LIN7A: variants seen among roughly 807,000 people sequenced by gnomAD.
The protein encoded by LIN7A is lin-7 cell polarity scaffold A.
Under a neutral mutation model 29.8 loss-of-function variants are expected in LIN7A, and 25 were observed. That is an observed-to-expected ratio of 0.84 (90% CI 0.61 to 1.17). LIN7A has a LOEUF of 1.17. LIN7A is among the 50% of genes most tolerant of loss of function. The probability of loss-of-function intolerance (pLI) is 0.00; values close to 1 mark genes in which losing one functional copy is unlikely to be tolerated. For missense variants in LIN7A, 239 were observed against 287.0 expected (o/e 0.83, Z 1.21); for synonymous variants, 118 against 107.5 (o/e 1.10, Z -0.60).
chr12:80,919,159 G>A (rs889971950), intron 1 of LIN7A, among the ~76,000 whole-genome samples: 1 of 152,178 alleles, frequency 6.6e-6, no homozygotes, highest in Non-Finnish European at 1.5e-5. Context: ...TTGCTGAGAT[G>A]TACAAATAAG....
chr12:80,825,150 C>A (rs148907118), intron 4 of LIN7A, among the ~76,000 whole-genome samples: 7 of 152,006 alleles, frequency 4.6e-5, no homozygotes, highest in African/African-American at 1.7e-4. Flanking sequence ...AAATCAATAG[C>A]CAGGAAGGGA....
At chr12:80,914,928 G>A (rs1023905696) in intron 1 of LIN7A, among the ~76,000 whole-genome samples, 2 of 151,830 alleles carry the variant, frequency 1.3e-5, no homozygotes, top group African/African-American at 4.8e-5. Context: ...AGCGCTTGTG[G>A]TCCTAGCTAG....
chr12:80,928,475 G>A (rs1877724657), intron 1 of LIN7A, among the ~76,000 whole-genome samples: 1 of 152,128 alleles, frequency 6.6e-6, no homozygotes, highest in South Asian at 2.1e-4. Flanking sequence ...TCACGTGTCT[G>A]TTGGCTGCAT....
chr12:80,802,128 C>T (rs886171367), intron 5 of LIN7A, among the ~76,000 whole-genome samples: 9 of 152,054 alleles, frequency 5.9e-5, no homozygotes, highest in Non-Finnish European at 1.2e-4. Context: ...CTCCTGACCT[C>T]GTGATCCACC....
intron 1 of LIN7A, among the ~76,000 whole-genome samples, chr12:80,936,115 C>T (rs1220574559): frequency 6.6e-6 from 1 of 152,138 alleles, no homozygotes; most frequent in African/African-American, 2.4e-5. Context: ...TGATAGCTTG[C>T]CATCTGTTTG....
In LIN7A at chr12:80,912,403, A is replaced by G. The variant is rs375940812; in HGVS notation, c.83-23034T>C. Among the ~76,000 whole-genome samples the G allele has an allele frequency of 8.7e-4, 132 of 152,186 alleles. 2 individuals are homozygous for G. Among genetic ancestry groups the G allele is most frequent in the African/African-American group, 3.1e-3 (129 of 41,534 alleles). ...ATCAGTGTGGCTATTCTTATCATTAATCATAGATCTCCTTTTAAAAATAGA... is the reference window on the plus strand; with the variant it reads ...ATCAGTGTGGCTATTCTTATCATTAGTCATAGATCTCCTTTTAAAAATAGA... On this transcript the variant is annotated intron_variant, in intron 1 of 5. Transcript: ENST00000552864.
At chr12:80,850,719 A>G (rs1406700631) in intron 2 of LIN7A, among the ~76,000 whole-genome samples, 1 of 152,210 alleles carries the variant, frequency 6.6e-6, no homozygotes, top group Non-Finnish European at 1.5e-5. Context: ...TCCTGATCTA[A>G]GGAATTAAGC....
chr12:80,893,393 T>A (rs1040534884), intron 1 of LIN7A, among the ~76,000 whole-genome samples: 3 of 152,168 alleles, frequency 2.0e-5, no homozygotes, highest in Non-Finnish European at 2.9e-5. Flanking sequence ...GTTGTTTTTT[T>A]AATTTTTGTT....
chr12:80,816,305 G>A (rs756503632), intron 4 of LIN7A, among the ~76,000 whole-genome samples: 18 of 151,778 alleles, frequency 1.2e-4, no homozygotes, highest in Non-Finnish European at 2.6e-4. Flanking sequence ...CAACTACTTG[G>A]GATGCTGAAC....
At chr12:80,896,801 T>C (rs958463109) in intron 1 of LIN7A, among the ~76,000 whole-genome samples, 4 of 152,254 alleles carry the variant, frequency 2.6e-5, no homozygotes, top group Non-Finnish European at 4.4e-5. Flanking sequence ...ATTTATATAA[T>C]GACAAAATCC....
In LIN7A at chr12:80,809,202, G is replaced by A. The variant is rs574509607; in HGVS notation, c.*2263C>T. On this transcript the variant is annotated intron_variant, in intron 5 of 5. Coordinates refer to ENST00000552864, the MANE Select transcript of LIN7A (RefSeq NM_004664.4). ...AGGCTGGTCTCAAACTCCTGACCTC[G>A]TCATCCACCCACCTCGGCTTCCCAA... 1.3e-3 allele frequency among the ~76,000 whole-genome samples: 193 copies of A among 152,022 alleles called. 1 individual carries two copies. The highest frequency in any genetic ancestry group is 2.5e-3 in the Non-Finnish European group (169 of 67,996).
At chr12:80,877,089 T>C (rs1239456037) in intron 2 of LIN7A, among the ~76,000 whole-genome samples, 2 of 130,998 alleles carry the variant, frequency 1.5e-5, no homozygotes, top group African/African-American at 5.5e-5. Flanking sequence ...GCCACTGCAC[T>C]CCAGCCTAGC....
At chr12:80,913,302 A>T (rs1383492095) in intron 1 of LIN7A, among the ~76,000 whole-genome samples, 3 of 152,242 alleles carry the variant, frequency 2.0e-5, no homozygotes, top group Non-Finnish European at 4.4e-5. Context: ...TCTCAGTTTA[A>T]AAAGGTTTTG....
At chr12:80,816,340 G>GT in intron 4 of LIN7A, among the ~76,000 whole-genome samples, 1 of 152,012 alleles carries the variant, frequency 6.6e-6, no homozygotes, top group Non-Finnish European at 1.5e-5. Context: ...GAACCCAGGA[G>GT]GTCGGGGCTG....
At chr12:80,891,455 T>A (rs912854018) in intron 1 of LIN7A, among the ~76,000 whole-genome samples, 1 of 152,180 alleles carries the variant, frequency 6.6e-6, no homozygotes, top group East Asian at 1.9e-4. Context: ...TTGCTATTTC[T>A]AAGACATGCC....
intron 4 of LIN7A, among the ~76,000 whole-genome samples, chr12:80,833,439 G>A (rs976132275): frequency 2.6e-5 from 4 of 152,106 alleles, no homozygotes; most frequent in Non-Finnish European, 5.9e-5. Context: ...CCTCCACCAT[G>A]TCCCTCCAGA....
At chr12:80,807,083 T>TTGTTTTTGTTTTTG (rs1871067953) in intron 5 of LIN7A, among the ~76,000 whole-genome samples, 20 of 137,250 alleles carry the variant, frequency 1.5e-4, no homozygotes, top group Non-Finnish European at 7.9e-5. Flanking sequence ...TTTTTTTTTT[T>TTGTTTTTGTTTTTG]TTTTTTTTGA....
chr12:80,870,896 T>A (rs975911838), intron 2 of LIN7A, among the ~76,000 whole-genome samples: 3 of 152,238 alleles, frequency 2.0e-5, no homozygotes, highest in African/African-American at 7.2e-5. Flanking sequence ...CCTTTGTATG[T>A]GAAAACTTCA....
At chr12:80,854,486 C>CAAAAAAA (rs34687099) in intron 2 of LIN7A, among the ~76,000 whole-genome samples, 2 of 108,942 alleles carry the variant, frequency 1.8e-5, no homozygotes, top group Admixed American at 1.0e-4. Flanking sequence ...GTTGCTAAGC[C>CAAAAAAA]AAAAAAAAAA....
Sources: gnomAD v4.1 joint callset for allele counts (sites outside exome capture counted in the v4.1 genomes callset) on GRCh38, gnomAD v4.1.1 for gene constraint, MANE v1.5 for transcripts, NCBI Gene and HGNC (gene_info 2026-07-23, HGNC 2026-07-21) for gene names.